SUPT3H: variants seen among roughly 807,000 people sequenced by gnomAD.
SUPT3H encodes SPT3 homolog, SAGA and STAGA complex component.
SUPT3H carries 44 observed loss-of-function variants against 44.3 expected under a neutral mutation model. That is an observed-to-expected ratio of 0.99 (90% CI 0.78 to 1.28). SUPT3H has a LOEUF of 1.28. SUPT3H is among the 50% of genes most tolerant of loss of function. The pLI, the probability that SUPT3H is intolerant of heterozygous loss-of-function variation, is 0.00. For synonymous variants in SUPT3H, 124 were observed against 125.6 expected, an observed-to-expected ratio of 0.99 and a Z score of 0.09; for missense variants, 380 against 387.1, an observed-to-expected ratio of 0.98 and a Z score of 0.15.
At chr6:45,327,590 T>C (rs1786577700) in intron 2 of SUPT3H, among the ~76,000 whole-genome samples, 1 of 152,016 alleles carries the variant, frequency 6.6e-6, no homozygotes, top group South Asian at 2.1e-4. Flanking sequence ...ATCTTTATTG[T>C]AAAGGCCGCC....
At chr6:44,977,833 C>A (rs1174256003) in intron 6 of SUPT3H, among the ~76,000 whole-genome samples, 2 of 152,126 alleles carry the variant, frequency 1.3e-5, no homozygotes, top group African/African-American at 4.8e-5. Flanking sequence ...TTGCAATAAT[C>A]TAAAAAATTC....
chr6:45,085,111 A>G (rs1384921026), intron 3 of SUPT3H, among the ~76,000 whole-genome samples: 1 of 152,166 alleles, frequency 6.6e-6, no homozygotes, highest in African/African-American at 2.4e-5. Flanking sequence ...TTAATCTGAA[A>G]TAAAAGTTGA....
intron 6 of SUPT3H, among the ~76,000 whole-genome samples, chr6:45,000,712 C>G (rs1020152703): frequency 6.6e-6 from 1 of 152,052 alleles, no homozygotes; most frequent in Non-Finnish European, 1.5e-5. Flanking sequence ...GTATATCACT[C>G]TGCTTTCTCT....
chr6:44,932,330 T>C (rs1194041303), intron 10 of SUPT3H, among the ~76,000 whole-genome samples: 2 of 152,198 alleles, frequency 1.3e-5, no homozygotes, highest in African/African-American at 4.8e-5. Context: ...AAATATAAAG[T>C]GCTACTAGCA....
intron 10 of SUPT3H, among the ~76,000 whole-genome samples, chr6:44,830,084 C>CAGAT (rs1458603263): frequency 6.6e-6 from 1 of 152,132 alleles, no homozygotes; most frequent in Admixed American, 6.5e-5. Context: ...TGGGAAGTAG[C>CAGAT]AGATACATAA....
Position 45,289,150 on chromosome 6 carries a change from T to A in SUPT3H, c.101+76051A>T, listed in dbSNP as rs1055001923. Among the ~76,000 whole-genome samples the A allele has an allele frequency of 8.5e-5, 13 of 152,328 alleles. No individual in the cohort carries two copies. In the East Asian group the frequency reaches 2.5e-3, roughly 29 times the overall value. On this transcript the variant is annotated intron_variant, in intron 2 of 10. Transcript: ENST00000371459. Reference sequence around the variant, plus strand: ...TGCATATCAGCATACTATTGCACTCTTATTTGCTTAATATTTTCTTCAAGT... The same window carrying A: ...TGCATATCAGCATACTATTGCACTCATATTTGCTTAATATTTTCTTCAAGT...
chr6:45,127,930 C>A (rs1802689423), intron 2 of SUPT3H, among the ~76,000 whole-genome samples: 1 of 152,094 alleles, frequency 6.6e-6, no homozygotes, highest in South Asian at 2.1e-4. Flanking sequence ...TTTAAAATTT[C>A]TCCTATTTTG....
intron 10 of SUPT3H, among the ~76,000 whole-genome samples, chr6:44,903,998 T>G (rs1001621352): frequency 6.6e-6 from 1 of 152,114 alleles, no homozygotes; most frequent in African/African-American, 2.4e-5. Flanking sequence ...TCCTAAAAAC[T>G]CTCAATAAAT....
At chr6:44,905,896 C>G (rs1321355903) in intron 10 of SUPT3H, among the ~76,000 whole-genome samples, 2 of 152,072 alleles carry the variant, frequency 1.3e-5, no homozygotes, top group Non-Finnish European at 2.9e-5. Context: ...AAGCTGGAAA[C>G]CATCATTCTC....
chr6:44,817,632 A>G (rs999663926), intron 11 of SUPT3H, among the ~76,000 whole-genome samples: 4 of 152,180 alleles, frequency 2.6e-5, no homozygotes, highest in Non-Finnish European at 5.9e-5. Flanking sequence ...AAGTTCAGCA[A>G]GGTTTTAGCA....
At chr6:45,130,358 T>C (rs537046471) in intron 2 of SUPT3H, among the ~76,000 whole-genome samples, 3 of 152,342 alleles carry the variant, frequency 2.0e-5, no homozygotes, top group East Asian at 3.9e-4. Context: ...CACTACATCA[T>C]CCCTTTTTAT....
chr6:44,942,591 C>A (rs1364044792), intron 9 of SUPT3H, among the ~76,000 whole-genome samples: 1 of 152,096 alleles, frequency 6.6e-6, no homozygotes, highest in African/African-American at 2.4e-5. Flanking sequence ...ACAAATTTTA[C>A]CCAAATATTT....
At chr6:44,871,013 G>A (rs1045646145) in intron 10 of SUPT3H, among the ~76,000 whole-genome samples, 26 of 150,224 alleles carry the variant, frequency 1.7e-4, no homozygotes, top group African/African-American at 5.6e-4. Context: ...ACGGAATCTC[G>A]CTGATTGCTA....
At chr6:45,297,265 C>T (rs1190673668) in intron 2 of SUPT3H, among the ~76,000 whole-genome samples, 1 of 152,016 alleles carries the variant, frequency 6.6e-6, no homozygotes, top group East Asian at 1.9e-4. Flanking sequence ...GTCTTAGGTG[C>T]AGATTTATAA....
At chr6:45,375,458 T>C (rs778002262) in intron 1 of SUPT3H, among the ~76,000 whole-genome samples, 2 of 152,344 alleles carry the variant, frequency 1.3e-5, no homozygotes, top group East Asian at 3.9e-4. Flanking sequence ...TTGTATATTA[T>C]GAGCTATTCT....
intron 2 of SUPT3H, among the ~76,000 whole-genome samples, chr6:45,252,144 T>C (rs1404472789): frequency 6.6e-6 from 1 of 152,128 alleles, no homozygotes; most frequent in Non-Finnish European, 1.5e-5. Flanking sequence ...ATGTTCTACA[T>C]ATAATATTAT....
At chr6:45,360,785 A>G (rs537277033) in intron 2 of SUPT3H, among the ~76,000 whole-genome samples, 8 of 152,306 alleles carry the variant, frequency 5.3e-5, no homozygotes, top group African/African-American at 1.7e-4. Flanking sequence ...CACTTAACAG[A>G]CATTCCAGGA....
At chr6:44,890,653 A>C (rs1198910723) in intron 10 of SUPT3H, among the ~76,000 whole-genome samples, 1 of 150,086 alleles carries the variant, frequency 6.7e-6, no homozygotes, top group Non-Finnish European at 1.5e-5. Flanking sequence ...GACGTACCTA[A>C]TGCTAAATGA....
chr6:45,298,208 G>A (rs1318785663), intron 2 of SUPT3H, among the ~76,000 whole-genome samples: 3 of 152,164 alleles, frequency 2.0e-5, no homozygotes, highest in Non-Finnish European at 4.4e-5. Flanking sequence ...ATAGACCAAA[G>A]AACGAATAGG....
Sources: allele counts gnomAD v4.1 joint callset (sites outside exome capture counted in the v4.1 genomes callset), GRCh38; gene constraint gnomAD v4.1.1; transcripts MANE v1.5; gene names NCBI Gene and HGNC (gene_info 2026-07-23, HGNC 2026-07-21).